SMAD3: variants seen among roughly 807,000 people sequenced by gnomAD.
SMAD3 encodes the protein MAD homolog 3.
In SMAD3, 12 loss-of-function variants were observed where a neutral mutation model predicts 51.8. The ratio of observed to expected loss-of-function variants is 0.23; its 90% CI spans 0.15 to 0.38. The LOEUF (loss-of-function observed/expected upper bound fraction) is 0.38, where lower values mean the gene tolerates loss of function less well. Among genes scored for constraint, SMAD3 ranks in the 10% least tolerant of loss-of-function variants. The probability of loss-of-function intolerance (pLI) is 1.00; values close to 1 mark genes in which losing one functional copy is unlikely to be tolerated. For synonymous variants in SMAD3, 238 were observed against 227.7 expected (o/e 1.05, Z -0.41); for missense variants, 294 against 565.6 (o/e 0.52, Z 4.87).
chr15:67,184,585 CT>C, intron 6 of SMAD3, 141 bp from the exon 7 acceptor site: 1 of 1,014,246 alleles, frequency 9.9e-7, no homozygotes, highest in Non-Finnish European at 1.5e-6. Flanking sequence ...TAGGCTTGGG[CT>C]TTGGGGCCCG....
chr15:67,107,965 T>TCCCCCCCCCCCCCCCCCCCCC (rs138958033), intron 1 of SMAD3, among the ~76,000 whole-genome samples: 46 of 124,698 alleles, frequency 3.7e-4, no homozygotes, highest in Admixed American at 1.4e-3. Context: ...TGCTCTCCTC[T>TCCCCCCCCCCCCCCCCCCCCC]CCCCCCCACC....
chr15:67,157,824 G>T (rs948986184), intron 1 of SMAD3, among the ~76,000 whole-genome samples: 6 of 152,196 alleles, frequency 3.9e-5, no homozygotes, highest in Admixed American at 3.9e-4. Context: ...ACACTTTACG[G>T]GTCCCGCTTG....
chr15:67,175,203 T>C (rs12708492), intron 5 of SMAD3, among the ~76,000 whole-genome samples: 73,699 of 151,908 alleles, frequency 0.49, 18,057 homozygotes, highest in South Asian at 0.52. Context: ...TAAAGTGAGA[T>C]GATTAGGGCG....
intron 1 of SMAD3, among the ~76,000 whole-genome samples, chr15:67,098,345 AGG>A (rs10687891): frequency 0.044 from 1,589 of 36,526 alleles, 34 homozygotes; most frequent in African/African-American, 0.13. Flanking sequence ...GGAGGGAGGG[AGG>A]GAGAGAGCGA....
chr15:67,103,716 T>C (rs11071931), intron 1 of SMAD3, among the ~76,000 whole-genome samples: 146,470 of 152,232 alleles, frequency 0.96, 70,723 homozygotes, highest in East Asian at 1. Flanking sequence ...CCTAAGCACA[T>C]AGCACAACAA....
Position 67,192,344 on chromosome 15 carries a change from G to A in SMAD3, c.*1808G>A. ...GGAAGGAGCACCTTGACAGACTTGTGTGAGTCTTCTCGAAGGAGGGTTGAC... is the reference window on the plus strand; with the variant it reads ...GGAAGGAGCACCTTGACAGACTTGTATGAGTCTTCTCGAAGGAGGGTTGAC... On this transcript the variant is annotated 3_prime_UTR_variant, in exon 9 of 9. Transcript: ENST00000327367. The A allele has an allele frequency of 4.3e-6, 1 of 233,190 alleles. No homozygotes were observed. Among genetic ancestry groups the A allele is most frequent in the Non-Finnish European group, 8.5e-6 (1 of 117,866 alleles). The allele number at this position is 233,190 out of a possible 1,614,324, so 14.4% of individuals were successfully genotyped here.
intron 5 of SMAD3, among the ~76,000 whole-genome samples, chr15:67,171,312 G>A (rs934862059): frequency 2.0e-5 from 3 of 152,074 alleles, no homozygotes; most frequent in African/African-American, 7.2e-5. Context: ...CATTGTTTCC[G>A]CAACATCCCT....
At chr15:67,103,976 G>A (rs1399650193) in intron 1 of SMAD3, among the ~76,000 whole-genome samples, 1 of 152,156 alleles carries the variant, frequency 6.6e-6, no homozygotes, top group Non-Finnish European at 1.5e-5. Flanking sequence ...GGTGGTGACT[G>A]TACAGAAGGG....
At chr15:67,099,561 T>C (rs1370826) in intron 1 of SMAD3, among the ~76,000 whole-genome samples, 146,909 of 152,300 alleles carry the variant, frequency 0.96, 71,081 homozygotes, top group East Asian at 1. Context: ...GAGGTCCGCA[T>C]ACATTGGAGA....
At chr15:67,162,905 T>G (rs1962467220) in intron 1 of SMAD3, among the ~76,000 whole-genome samples, 1 of 151,944 alleles carries the variant, frequency 6.6e-6, no homozygotes, top group Non-Finnish European at 1.5e-5. Flanking sequence ...CCTTGTTATT[T>G]TCGTTCAGGA....
intron 1 of SMAD3, among the ~76,000 whole-genome samples, chr15:67,133,124 G>T (rs996614905): frequency 3.9e-5 from 6 of 152,208 alleles, no homozygotes; most frequent in Non-Finnish European, 5.9e-5. Context: ...AGCCCAAGCA[G>T]CAGAGACCAT....
At chr15:67,170,272 G>A (rs758432682) in intron 4 of SMAD3, among the ~76,000 whole-genome samples, 1 of 152,192 alleles carries the variant, frequency 6.6e-6, no homozygotes, top group African/African-American at 2.4e-5. Flanking sequence ...TGAGCTGGGA[G>A]TCTTGGTTAG....
chr15:67,155,430 A>C (rs546626743), intron 1 of SMAD3, among the ~76,000 whole-genome samples: 1 of 152,284 alleles, frequency 6.6e-6, no homozygotes, highest in South Asian at 2.1e-4. Context: ...GGGGCGGTCC[A>C]TTGCATGGAA....
intron 1 of SMAD3, among the ~76,000 whole-genome samples, chr15:67,124,834 C>T (rs1282736270): frequency 6.6e-6 from 1 of 152,212 alleles, no homozygotes; most frequent in Admixed American, 6.5e-5. Context: ...GGCTGGTGGC[C>T]AGAAGATGGA....
chr15:67,080,300 G>A (rs1729961001), intron 1 of SMAD3, among the ~76,000 whole-genome samples: 1 of 152,220 alleles, frequency 6.6e-6, no homozygotes, highest in Admixed American at 6.5e-5. Context: ...TTGAAAACAT[G>A]GTAAAGTTAG....
chr15:67,157,411 T>C (rs964881024), intron 1 of SMAD3, among the ~76,000 whole-genome samples: 56 of 152,236 alleles, frequency 3.7e-4, no homozygotes, highest in Non-Finnish European at 8.8e-5. Context: ...GTATCAGCCC[T>C]GGTCTGGGTT....
At chr15:67,092,709 C>G (rs1380262534) in intron 1 of SMAD3, among the ~76,000 whole-genome samples, 2 of 152,198 alleles carry the variant, frequency 1.3e-5, no homozygotes, top group African/African-American at 4.8e-5. Flanking sequence ...GGAAAAGGCA[C>G]AGGACTGGTA....
chr15:67,138,290 G>A (rs759254569), intron 1 of SMAD3: 12 of 551,606 alleles, frequency 2.2e-5, no homozygotes, highest in African/African-American at 9.4e-5. Context: ...CAGAGGCGTC[G>A]CTCAGGGCCC....
chr15:67,135,676 C>A (rs4147358), intron 1 of SMAD3, among the ~76,000 whole-genome samples: 46,973 of 151,928 alleles, frequency 0.31, 8,109 homozygotes, highest in East Asian at 0.6. Flanking sequence ...GTACTTTGAA[C>A]TTTGATTTTC....
Sources: gnomAD v4.1 joint callset for allele counts (sites outside exome capture counted in the v4.1 genomes callset) on GRCh38, gnomAD v4.1.1 for gene constraint, MANE v1.5 for transcripts, NCBI Gene and HGNC (gene_info 2026-07-23, HGNC 2026-07-21) for gene names.